Variants in FER1L6 observed in about 807,000 individuals in gnomAD.
FER1L6 encodes fer-1 like family member 6.
In FER1L6, 177 loss-of-function variants were observed where a neutral mutation model predicts 219.2. The observed-to-expected ratio is 0.81, with a 90% CI of 0.71 to 0.91. The LOEUF (loss-of-function observed/expected upper bound fraction) is 0.91, where lower values mean the gene tolerates loss of function less well. FER1L6 is among the 40% of genes least tolerant of loss of function. The probability of loss-of-function intolerance (pLI) is 0.00; values close to 1 mark genes in which losing one functional copy is unlikely to be tolerated. For missense variants in FER1L6, 2,153 were observed against 2,259.9 expected (o/e 0.95, Z 0.96); for synonymous variants, 768 against 824.3 (o/e 0.93, Z 1.17).
intron 19 of FER1L6, chr8:124,036,115 G>A (rs2130710078): frequency 6.6e-6 from 1 of 152,224 alleles, no homozygotes. Context: ...TTGCTGCTGA[G>A]TTCAGATAAA....
At chr8:123,941,291 A>G (rs1275724479) in intron 1 of FER1L6, among the ~76,000 whole-genome samples, 1 of 152,218 alleles carries the variant, frequency 6.6e-6, no homozygotes, top group Admixed American at 6.5e-5. Flanking sequence ...TGGGGAAAGC[A>G]CAGAGGTCAG....
chr8:123,988,960 G>T (rs1001567365), intron 12 of FER1L6, among the ~76,000 whole-genome samples: 2 of 152,038 alleles, frequency 1.3e-5, no homozygotes, highest in Admixed American at 6.6e-5. Context: ...CTAGCTGTGG[G>T]TCTGTCATAT....
intron 1 of FER1L6, among the ~76,000 whole-genome samples, chr8:123,865,047 G>C (rs1816808481): frequency 6.6e-6 from 1 of 151,180 alleles, no homozygotes. Flanking sequence ...TTTGGAGGAG[G>C]AGAGGTGCTC....
In FER1L6 at chr8:123,982,618, G is replaced by A. The variant is rs530480109; in HGVS notation, c.1410+1807G>A. 1.1e-4 allele frequency among the ~76,000 whole-genome samples: 17 copies of A among 152,226 alleles called. No individual in the cohort carries two copies. The South Asian group carries it at 3.3e-3, about 30-fold the overall frequency. Reference sequence around the variant, plus strand: ...GCATGATAACATATCTCAAAACTTGGCAGCTTAAAACAACAAACATTTATT... The same window carrying A: ...GCATGATAACATATCTCAAAACTTGACAGCTTAAAACAACAAACATTTATT... On this transcript the variant is annotated intron_variant, in intron 11 of 40. Coordinates refer to ENST00000522917, the MANE Select transcript of FER1L6 (RefSeq NM_001039112.2).
At chr8:124,097,179 C>T in intron 35 of FER1L6, 92 bp from the exon 36 acceptor site, 1 of 905,822 alleles carries the variant, frequency 1.1e-6, no homozygotes, top group Non-Finnish European at 1.7e-6. Flanking sequence ...CCTATTTCTA[C>T]TAAAGGGATC....
chr8:123,936,476 T>C (rs201280441), intron 1 of FER1L6, among the ~76,000 whole-genome samples: 6 of 127,334 alleles, frequency 4.7e-5, no homozygotes, highest in South Asian at 2.9e-4. Flanking sequence ...TTTTTTTTTT[T>C]TTTTTTTTTT....
chr8:123,922,758 G>A (rs984213882), intron 1 of FER1L6, among the ~76,000 whole-genome samples: 2 of 152,160 alleles, frequency 1.3e-5, no homozygotes, highest in Non-Finnish European at 2.9e-5. Context: ...AATTATTGTG[G>A]TGTGGTTTAT....
chr8:124,084,211 A>C (rs1821695711), intron 33 of FER1L6, among the ~76,000 whole-genome samples: 2 of 151,686 alleles, frequency 1.3e-5, no homozygotes, highest in African/African-American at 4.8e-5. Context: ...ATCTACCCAC[A>C]AGGGTAACTT....
intron 18 of FER1L6, among the ~76,000 whole-genome samples, chr8:124,030,609 G>A (rs1011909997): frequency 2.0e-5 from 3 of 152,046 alleles, no homozygotes; most frequent in Non-Finnish European, 4.4e-5. Flanking sequence ...GCTCTGGGCT[G>A]AGTCCACTCC....
intron 1 of FER1L6, among the ~76,000 whole-genome samples, chr8:123,866,675 G>C (rs1420371934): frequency 6.6e-6 from 1 of 152,188 alleles, no homozygotes; most frequent in Non-Finnish European, 1.5e-5. Context: ...CTCGAGTGCA[G>C]TGGTGCTATC....
chr8:123,930,042 T>TA (rs2129910659), intron 1 of FER1L6, among the ~76,000 whole-genome samples: 1 of 152,166 alleles, frequency 6.6e-6, no homozygotes, highest in South Asian at 2.1e-4. Context: ...CATGCAGTTG[T>TA]AAAAAACAAT....
Position 124,045,867 on chromosome 8 carries a change from TAGTGG to T in FER1L6, c.2691_2695del (p.Leu897PhefsTer6). 3 of 1,613,992 alleles carry T rather than the reference TAGTGG, an allele frequency of 1.9e-6. No individual in the cohort carries two copies. The highest frequency in any genetic ancestry group is 2.5e-6 in the Non-Finnish European group (3 of 1,179,986). On this transcript the variant is annotated frameshift_variant, in exon 21 of 41. Transcript: ENST00000522917. LOFTEE classifies it high-confidence loss of function. Reference sequence around the variant, plus strand: ...AAGGAGCTGGCAGAGTCCCCGCCCTTAGTGGTGGTGGAGCTGTATGACAGCGACGC... The same window carrying T: ...AAGGAGCTGGCAGAGTCCCCGCCCTTTGGTGGAGCTGTATGACAGCGACGC...
At chr8:123,878,102 T>C (rs1220381328) in intron 1 of FER1L6, among the ~76,000 whole-genome samples, 1 of 152,044 alleles carries the variant, frequency 6.6e-6, no homozygotes, top group Non-Finnish European at 1.5e-5. Flanking sequence ...AGAGGGCAAG[T>C]CTTAGAATTA....
chr8:124,042,449 C>T (rs929483755), intron 20 of FER1L6, among the ~76,000 whole-genome samples: 2 of 152,234 alleles, frequency 1.3e-5, no homozygotes, highest in African/African-American at 4.8e-5. Flanking sequence ...TTATTAGTGT[C>T]TTCATTCTAC....
In FER1L6 at chr8:124,039,905, G is replaced by C. The variant is rs1819402539; in HGVS notation, c.2488G>C (p.Ala830Pro). 6.2e-7 allele frequency: 1 copy of C among 1,613,952 alleles called. No homozygotes were observed. The highest frequency in any genetic ancestry group is 1.3e-5 in the African/African-American group (1 of 74,894). Residue 830 changes from alanine to proline, a missense_variant, in exon 20 of 41, where the codon GCT becomes CCT. By Grantham distance (27) the Ala-to-Pro change is conservative. Coordinates refer to ENST00000522917, the MANE Select transcript of FER1L6 (RefSeq NM_001039112.2). The part of the protein sequence containing the change: ...YQEQHVFQLR[A>P]HMYQARGLIA... The stretch of plus-strand genomic sequence containing the variant: ...AGAACAGCATGTTTTTCAGCTGAGG[G>C]CTCACATGTACCAAGCCCGGGGCCT...
intron 22 of FER1L6, among the ~76,000 whole-genome samples, chr8:124,051,782 C>T (rs1335172560): frequency 6.6e-6 from 1 of 152,140 alleles, no homozygotes; most frequent in Non-Finnish European, 1.5e-5. Flanking sequence ...CAGACCCTGC[C>T]CAGGTCTACA....
chr8:123,951,670 A>G (rs1195671555), intron 1 of FER1L6, among the ~76,000 whole-genome samples: 2 of 152,246 alleles, frequency 1.3e-5, no homozygotes, highest in Admixed American at 6.5e-5. Context: ...CTCATTACAT[A>G]CAAATTTATT....
intron 10 of FER1L6, 125 bp downstream of exon 10, chr8:123,977,734 G>A: frequency 1.2e-6 from 1 of 821,112 alleles, no homozygotes; most frequent in Non-Finnish European, 1.9e-6. Flanking sequence ...CAGTTTTATG[G>A]AAGACTATTT....
intron 12 of FER1L6, among the ~76,000 whole-genome samples, chr8:124,000,008 G>A (rs943806710): frequency 2.0e-5 from 3 of 152,134 alleles, no homozygotes; most frequent in African/African-American, 7.2e-5. Context: ...GTTTATTTAG[G>A]ACCACAGAGC....
Sources: gnomAD v4.1 joint callset for allele counts (sites outside exome capture counted in the v4.1 genomes callset) on GRCh38, gnomAD v4.1.1 for gene constraint, MANE v1.5 for transcripts, NCBI Gene and HGNC (gene_info 2026-07-23, HGNC 2026-07-21) for gene names.